MPHOSPH9: variants seen among roughly 807,000 people sequenced by gnomAD.
MPHOSPH9 encodes the protein M-phase phosphoprotein 9.
MPHOSPH9 carries 88 observed loss-of-function variants against 145.5 expected under a neutral mutation model. The observed-to-expected ratio is 0.60, with a 90% confidence interval of 0.51 to 0.72. The LOEUF (loss-of-function observed/expected upper bound fraction) is 0.72, where lower values mean the gene tolerates loss of function less well. Ranked by LOEUF, MPHOSPH9 falls within the 30% of genes least tolerant of loss-of-function variation. The probability of loss-of-function intolerance (pLI) is 0.00; values close to 1 mark genes in which losing one functional copy is unlikely to be tolerated. For missense variants in MPHOSPH9, 1,238 were observed against 1,386.6 expected, an observed-to-expected ratio of 0.89 and a Z score of 1.70; for synonymous variants, 435 against 486.2, an observed-to-expected ratio of 0.89 and a Z score of 1.39.
rs993465125 is a variant in MPHOSPH9, at chr12:123,156,162, T to A, written c.*645A>T. Reference sequence around the variant, plus strand: ...AATTGTTTAACTTTTTTAGAAAAGATAAAATTAGAGAATTACAATCTCTCT... The same window carrying A: ...AATTGTTTAACTTTTTTAGAAAAGAAAAAATTAGAGAATTACAATCTCTCT... On this transcript the variant is annotated 3_prime_UTR_variant, in exon 24 of 24. Transcript: ENST00000606320. The A allele has an allele frequency of 6.6e-6, 1 of 152,222 alleles. No homozygotes were observed. The highest frequency in any genetic ancestry group is 2.4e-5 in the African/African-American group (1 of 41,466). The allele number at this position is 152,222 out of a possible 1,614,324, so 9.4% of individuals were successfully genotyped here. A position where few individuals can be genotyped will look rare whatever the true frequency, so the allele number is the denominator to read the frequency against.
At chr12:123,175,072 C>T (rs1305242912) in intron 16 of MPHOSPH9, among the ~76,000 whole-genome samples, 2 of 152,082 alleles carry the variant, frequency 1.3e-5, no homozygotes, top group African/African-American at 4.8e-5. Flanking sequence ...ATGGCAGGTA[C>T]ATTAATAAAA....
intron 6 of MPHOSPH9, among the ~76,000 whole-genome samples, chr12:123,216,995 AT>A (rs1394701718): frequency 1.6e-3 from 47 of 28,896 alleles, no homozygotes; most frequent in Middle Eastern, 0.019. Flanking sequence ...TGTCAAAAAA[AT>A]AAATAAATAA....
intron 1 of MPHOSPH9, among the ~76,000 whole-genome samples, chr12:123,231,025 T>G (rs1299526111): frequency 6.6e-6 from 1 of 152,218 alleles, no homozygotes. Flanking sequence ...TGTACACTTG[T>G]AAAAGACTGA....
At chr12:123,187,695 C>T (rs373399593) in intron 13 of MPHOSPH9, among the ~76,000 whole-genome samples, 11 of 152,096 alleles carry the variant, frequency 7.2e-5, no homozygotes, top group South Asian at 2.1e-4. Flanking sequence ...GAGATTTACA[C>T]GAGAAGGAAA....
downstream of MPHOSPH9, chr12:123,154,148 AG>A (rs34196899): frequency 6.6e-6 from 1 of 152,062 alleles, no homozygotes; most frequent in Non-Finnish European, 1.5e-5. Context: ...TCCAGGCATC[AG>A]GGGAGAGTTC....
intron 15 of MPHOSPH9, among the ~76,000 whole-genome samples, chr12:123,178,804 G>A (rs1790124): frequency 0.64 from 97,709 of 152,054 alleles, 35,868 homozygotes; most frequent in East Asian, 1. Context: ...GATTATAGGC[G>A]TGAGCCACTG....
chr12:123,192,222 G>C (rs1269594635), intron 13 of MPHOSPH9, among the ~76,000 whole-genome samples: 1 of 152,060 alleles, frequency 6.6e-6, no homozygotes, highest in Admixed American at 6.6e-5. Context: ...GAGAGGCTGA[G>C]GCAGGAGGAA....
chr12:123,192,628 C>CAAAAAAAAAAAA (rs55831766), intron 13 of MPHOSPH9, among the ~76,000 whole-genome samples: 1 of 49,374 alleles, frequency 2.0e-5, no homozygotes, highest in African/African-American at 7.6e-5. Flanking sequence ...GACACCGTCT[C>CAAAAAAAAAAAA]AAAAAAAAAA....
intron 16 of MPHOSPH9, among the ~76,000 whole-genome samples, chr12:123,170,948 G>A (rs1173200827): frequency 1.3e-5 from 2 of 152,078 alleles, no homozygotes; most frequent in South Asian, 2.1e-4. Flanking sequence ...CCTGTCCGAT[G>A]GTGTGAATTG....
At position 123,183,925 on chromosome 12, in the gene MPHOSPH9, C is replaced by T. The variant is rs543980963; in HGVS notation, c.2242-2715G>A. Among the ~76,000 whole-genome samples, 294 of 152,212 alleles carry T rather than the reference C, an allele frequency of 1.9e-3. 1 individual carries two copies. Among genetic ancestry groups the T allele is most frequent in the African/African-American group, 6.8e-3 (281 of 41,524 alleles). On this transcript the variant is annotated intron_variant, in intron 13 of 23. Coordinates refer to ENST00000606320, the MANE Select transcript of MPHOSPH9 (RefSeq NM_022782.4). Reference sequence around the variant, plus strand: ...GAGAAAATGACAAAGTAAAAGACTTCAAAAACACCCAGGGCAGGTCACACC... The same window carrying T: ...GAGAAAATGACAAAGTAAAAGACTTTAAAAACACCCAGGGCAGGTCACACC...
At chr12:123,215,952 A>G (rs962842145) in intron 6 of MPHOSPH9, among the ~76,000 whole-genome samples, 2 of 152,220 alleles carry the variant, frequency 1.3e-5, no homozygotes, top group African/African-American at 2.4e-5. Context: ...TAAGACCAAG[A>G]GAAGGCCGGG....
chr12:123,164,349 C>T (rs577736814), intron 18 of MPHOSPH9, among the ~76,000 whole-genome samples: 4 of 152,270 alleles, frequency 2.6e-5, no homozygotes, highest in Admixed American at 6.5e-5. Context: ...TGTTTACAAT[C>T]GGCATTCAAG....
At chr12:123,178,341 A>G (rs982711335) in intron 15 of MPHOSPH9, among the ~76,000 whole-genome samples, 1 of 152,260 alleles carries the variant, frequency 6.6e-6, no homozygotes, top group Admixed American at 6.5e-5. Context: ...TAAGAAAGCT[A>G]TCACTAGAAC....
chr12:123,157,656 A>G (rs2043927911), intron 23 of MPHOSPH9, among the ~76,000 whole-genome samples: 1 of 145,700 alleles, frequency 6.9e-6, no homozygotes, highest in South Asian at 2.1e-4. Context: ...GATTTTAAAC[A>G]TTTTTTTTTT....
At chr12:123,224,826 A>C (rs536959148) in intron 3 of MPHOSPH9, among the ~76,000 whole-genome samples, 2 of 152,222 alleles carry the variant, frequency 1.3e-5, no homozygotes, top group Non-Finnish European at 2.9e-5. Flanking sequence ...ACCCTTTCAG[A>C]AAAGCATGTC....
At chr12:123,196,615 C>A (rs551114051) in intron 12 of MPHOSPH9, among the ~76,000 whole-genome samples, 1 of 151,814 alleles carries the variant, frequency 6.6e-6, no homozygotes, top group Non-Finnish European at 1.5e-5. Flanking sequence ...TTTGGTAATG[C>A]GTGGGGAAAA....
chr12:123,236,592 CAA>C (rs113568323), upstream of MPHOSPH9, among the ~76,000 whole-genome samples: 39 of 105,712 alleles, frequency 3.7e-4, no homozygotes, highest in Admixed American at 5.9e-4. Context: ...GACCCTGTCT[CAA>C]AAAAAAAAAA....
chr12:123,230,113 C>T (rs1381448462), intron 2 of MPHOSPH9, 148 bp downstream of exon 2: 18 of 533,422 alleles, frequency 3.4e-5, no homozygotes, highest in South Asian at 2.6e-4. Context: ...TGAGCCACCG[C>T]GCCCAGCCTC....
At chr12:123,172,534 T>C (rs563979866) in intron 16 of MPHOSPH9, among the ~76,000 whole-genome samples, 43 of 152,216 alleles carry the variant, frequency 2.8e-4, no homozygotes, top group Admixed American at 6.5e-4. Flanking sequence ...GGTTTTGCCA[T>C]GTTGGCCAGG....
Sources: gnomAD v4.1 joint callset for allele counts (sites outside exome capture counted in the v4.1 genomes callset) on GRCh38, gnomAD v4.1.1 for gene constraint, MANE v1.5 for transcripts, NCBI Gene and HGNC (gene_info 2026-07-23, HGNC 2026-07-21) for gene names.